The following CADM2 variants were observed in gnomAD, a reference collection of about 807,000 sequenced individuals.
CADM2 encodes the protein immunoglobulin superfamily member 4D.
CADM2 carries 12 observed loss-of-function variants against 49.8 expected under a neutral mutation model. That is an observed-to-expected ratio of 0.24 (90% CI 0.15 to 0.39). CADM2 has a LOEUF of 0.39. CADM2 is among the 10% of genes least tolerant of loss of function. CADM2 has a pLI of 1.00. For synonymous variants in CADM2, 214 were observed against 175.4 expected (o/e 1.22, Z -1.74); for missense variants, 378 against 492.3 (o/e 0.77, Z 2.20).
At chr3:85,516,367 A>C (rs2060903298) in intron 1 of CADM2, among the ~76,000 whole-genome samples, 1 of 152,208 alleles carries the variant, frequency 6.6e-6, no homozygotes, top group Admixed American at 6.5e-5. Flanking sequence ...TCCACACAAC[A>C]GAATTGACTT....
At position 85,696,859 on chromosome 3, in the gene CADM2, A is replaced by G. The variant is rs558443728; in HGVS notation, c.62-29663A>G. Among the ~76,000 whole-genome samples the G allele has an allele frequency of 2.6e-5, 4 of 152,000 alleles. No homozygotes were observed. The East Asian group carries it at 7.7e-4, about 29-fold the overall frequency. ...AGGTGATAGCCAGGGTGGCCAAAAA[A>G]TCTTGACTATATGTCCAAAAATATG... On this transcript the variant is annotated intron_variant, in intron 1 of 9. Coordinates refer to ENST00000383699, the MANE Select transcript of CADM2 (RefSeq NM_001167675.2).
intron 1 of CADM2, among the ~76,000 whole-genome samples, chr3:85,715,309 A>G (rs17023217): frequency 5.3e-5 from 8 of 152,212 alleles, no homozygotes; most frequent in Non-Finnish European, 1.0e-4. Context: ...CTATTTTACC[A>G]ATACCAATTA....
chr3:85,638,150 A>G (rs1378135500), intron 1 of CADM2, among the ~76,000 whole-genome samples: 1 of 152,178 alleles, frequency 6.6e-6, no homozygotes, highest in African/African-American at 2.4e-5. Flanking sequence ...GATATTACAG[A>G]TGTCTCCTGA....
intron 3 of CADM2, among the ~76,000 whole-genome samples, chr3:85,850,358 T>C (rs1172142457): frequency 3.2e-5 from 4 of 126,884 alleles, no homozygotes; most frequent in Non-Finnish European, 6.3e-5. Flanking sequence ...AGAGTCTCGC[T>C]CCGTCGCCCA....
intron 1 of CADM2, among the ~76,000 whole-genome samples, chr3:85,453,627 A>G (rs1329423787): frequency 6.6e-6 from 1 of 152,140 alleles, no homozygotes; most frequent in African/African-American, 2.4e-5. Context: ...ATAATGACAG[A>G]ATGGAAAATT....
At chr3:85,776,267 C>A (rs2070355999) in intron 2 of CADM2, among the ~76,000 whole-genome samples, 1 of 146,892 alleles carries the variant, frequency 6.8e-6, no homozygotes, top group East Asian at 2.0e-4. Context: ...GACTTAGTAG[C>A]CAAATAGTTT....
intron 8 of CADM2, among the ~76,000 whole-genome samples, chr3:86,044,714 T>C (rs1736422120): frequency 6.6e-6 from 1 of 152,216 alleles, no homozygotes; most frequent in African/African-American, 2.4e-5. Context: ...TTACCAGGTA[T>C]ATACCCAAAG....
chr3:85,642,387 T>A (rs2064751442), intron 1 of CADM2, among the ~76,000 whole-genome samples: 1 of 152,044 alleles, frequency 6.6e-6, no homozygotes, highest in East Asian at 1.9e-4. Flanking sequence ...CTAAAAAGTA[T>A]TTTATGGAGA....
intron 1 of CADM2, among the ~76,000 whole-genome samples, chr3:85,360,427 A>C (rs1195197621): frequency 6.6e-4 from 100 of 152,178 alleles, no homozygotes; most frequent in Non-Finnish European, 2.9e-4. Context: ...ACACAAATCA[A>C]ATTTGGCTCA....
chr3:85,461,555 C>A (rs772842189), intron 1 of CADM2, among the ~76,000 whole-genome samples: 1 of 152,082 alleles, frequency 6.6e-6, no homozygotes, highest in African/African-American at 2.4e-5. Flanking sequence ...GAAAAAGTTT[C>A]AACTTTCTGG....
intron 1 of CADM2, among the ~76,000 whole-genome samples, chr3:85,334,263 C>A (rs967093943): frequency 6.6e-6 from 1 of 151,440 alleles, no homozygotes; most frequent in Non-Finnish European, 1.5e-5. Flanking sequence ...GTAGTTGGGT[C>A]ATTAAATAGC....
chr3:85,658,572 A>G (rs1260696222), intron 1 of CADM2, among the ~76,000 whole-genome samples: 48 of 100,098 alleles, frequency 4.8e-4, no homozygotes, highest in African/African-American at 6.8e-4. Flanking sequence ...TATTGGATAT[A>G]TGTGTATATA....
chr3:85,633,382 T>C (rs2064368572), intron 1 of CADM2, among the ~76,000 whole-genome samples: 1 of 152,068 alleles, frequency 6.6e-6, no homozygotes, highest in Non-Finnish European at 1.5e-5. Flanking sequence ...ATTGGAAAAG[T>C]ATGAACTATA....
At chr3:85,309,550 A>G (rs997982220) in intron 1 of CADM2, among the ~76,000 whole-genome samples, 19 of 152,182 alleles carry the variant, frequency 1.2e-4, no homozygotes, top group Admixed American at 1.3e-4. Flanking sequence ...GAACATAGCA[A>G]GCACTCAGTA....
intron 3 of CADM2, among the ~76,000 whole-genome samples, chr3:85,848,813 G>A (rs1209727554): frequency 6.6e-6 from 1 of 152,096 alleles, no homozygotes; most frequent in Non-Finnish European, 1.5e-5. Flanking sequence ...ACAACTTCAT[G>A]TTACTGACTA....
rs532570040 is a variant in CADM2, at chr3:85,143,891, A to C, written c.61+184223A>C. 2.6e-5 allele frequency among the ~76,000 whole-genome samples: 4 copies of C among 152,216 alleles called. No homozygotes were observed. The South Asian group carries it at 8.3e-4, about 32-fold the overall frequency. The stretch of plus-strand genomic sequence containing the variant: ...AGAGGTTCTCATTTCACTCAAAGAA[A>C]ACCAAAGTCCTTTGAGTGGTCCTTG... On this transcript the variant is annotated intron_variant, in intron 1 of 9. Coordinates refer to ENST00000383699, the MANE Select transcript of CADM2 (RefSeq NM_001167675.2).
At position 85,425,463 on chromosome 3, in the gene CADM2, A is replaced by G. The variant is rs577470302; in HGVS notation, c.62-301059A>G. 6.6e-5 allele frequency among the ~76,000 whole-genome samples: 10 copies of G among 152,348 alleles called. No individual in the cohort carries two copies. The South Asian group carries it at 2.1e-3, about 32-fold the overall frequency. Reference sequence around the variant, plus strand: ...GTAATGATCAAATCAGGTAATTAACATATCCATTACCTCAAATATGTATCT... The same window carrying G: ...GTAATGATCAAATCAGGTAATTAACGTATCCATTACCTCAAATATGTATCT... On this transcript the variant is annotated intron_variant, in intron 1 of 9. Transcript: ENST00000383699.
At chr3:85,635,573 G>T (rs1207180502) in intron 1 of CADM2, among the ~76,000 whole-genome samples, 1 of 151,978 alleles carries the variant, frequency 6.6e-6, no homozygotes, top group Non-Finnish European at 1.5e-5. Context: ...AAAAATCTTT[G>T]AATTAAGTAT....
At chr3:85,696,973 TAA>T (rs1480265298) in intron 1 of CADM2, among the ~76,000 whole-genome samples, 1 of 151,700 alleles carries the variant, frequency 6.6e-6, no homozygotes, top group African/African-American at 2.4e-5. Context: ...CAGTACTATT[TAA>T]GTCTTTGTGA....
Sources: gnomAD v4.1 joint callset for allele counts (sites outside exome capture counted in the v4.1 genomes callset) on GRCh38, gnomAD v4.1.1 for gene constraint, MANE v1.5 for transcripts, NCBI Gene and HGNC (gene_info 2026-07-23, HGNC 2026-07-21) for gene names.